ACTR3C: variants seen among roughly 807,000 people sequenced by gnomAD.
ACTR3C encodes the protein actin related protein 3C.
ACTR3C carries 18 observed loss-of-function variants against 26.3 expected under a neutral mutation model. The ratio of observed to expected loss-of-function variants is 0.68; its 90% CI spans 0.47 to 1.01. The LOEUF (loss-of-function observed/expected upper bound fraction) is 1.01, where lower values mean the gene tolerates loss of function less well. Ranked by LOEUF, ACTR3C falls within the 50% of genes least tolerant of loss-of-function variation. ACTR3C has a pLI of 0.00. For missense variants in ACTR3C, 184 were observed against 250.7 expected (o/e 0.73, Z 1.80); for synonymous variants, 55 against 94.5 (o/e 0.58, Z 2.42).
At chr7:150,084,163 T>C in the ACTR3C span, among the ~76,000 whole-genome samples, 22 of 152,234 alleles carry the variant, frequency 1.4e-4, no homozygotes, top group African/African-American at 4.8e-4. Context: ...TGAGCCACCA[T>C]GCCCAGATCC....
chr7:150,258,781 G>GGCCGAGGCGGGCGGATCACGA (rs1833417484), intron 6 of ACTR3C, among the ~76,000 whole-genome samples: 1 of 150,634 alleles, frequency 6.6e-6, no homozygotes, highest in Non-Finnish European at 1.5e-5. Context: ...AATACAGCAA[G>GGCCGAGGCGGGCGGATCACGA]GGTGATCCCT....
At chr7:149,896,338 A>G in the ACTR3C span, among the ~76,000 whole-genome samples, 1 of 152,178 alleles carries the variant, frequency 6.6e-6, no homozygotes, top group African/African-American at 2.4e-5. Flanking sequence ...TAGTTAGCTG[A>G]CTTGAGGAAA....
chr7:150,200,332 A>AGAGACTGATGGTT, the ACTR3C span, among the ~76,000 whole-genome samples: 6 of 152,352 alleles, frequency 3.9e-5, no homozygotes, highest in African/African-American at 1.2e-4. Context: ...TTAACCATCA[A>AGAGACTGATGGTT]AAGTGACCAT....
At chr7:150,224,991 C>T in the ACTR3C span, among the ~76,000 whole-genome samples, 1 of 147,948 alleles carries the variant, frequency 6.8e-6, no homozygotes, top group Admixed American at 6.7e-5. Flanking sequence ...GCACCTTTGG[C>T]CACACCCCCA....
the ACTR3C span, among the ~76,000 whole-genome samples, chr7:150,214,518 A>G: frequency 6.6e-6 from 1 of 151,700 alleles, no homozygotes; most frequent in Non-Finnish European, 1.5e-5. Flanking sequence ...TTAAACCTGA[A>G]AAAGAGAGAG....
the ACTR3C span, among the ~76,000 whole-genome samples, chr7:150,101,673 C>T: frequency 1.3e-4 from 20 of 151,882 alleles, no homozygotes; most frequent in South Asian, 4.1e-4. Context: ...CGGCCAGCCA[C>T]GTTAAGTCAC....
At chr7:150,090,200 A>T in the ACTR3C span, among the ~76,000 whole-genome samples, 1 of 152,358 alleles carries the variant, frequency 6.6e-6, no homozygotes, top group Admixed American at 6.5e-5. Flanking sequence ...GATTATGATA[A>T]ATAAATAATT....
intron 1 of ACTR3C, among the ~76,000 whole-genome samples, chr7:150,301,683 A>G (rs1795447014): frequency 6.6e-6 from 1 of 151,826 alleles, no homozygotes; most frequent in Non-Finnish European, 1.5e-5. Flanking sequence ...ACAATGGAAT[A>G]TTATTCAGCC....
chr7:149,894,709 T>G, the ACTR3C span, among the ~76,000 whole-genome samples: 1 of 151,848 alleles, frequency 6.6e-6, no homozygotes, highest in African/African-American at 2.4e-5. Flanking sequence ...CCACTGAGAA[T>G]GGCAATTATC....
chr7:149,994,576 G>A, the ACTR3C span, among the ~76,000 whole-genome samples: 1 of 151,982 alleles, frequency 6.6e-6, no homozygotes. Context: ...ACTCCAGCCT[G>A]GGCAACAAGA....
chr7:150,162,593 G>A, the ACTR3C span, among the ~76,000 whole-genome samples: 1 of 152,072 alleles, frequency 6.6e-6, no homozygotes, highest in African/African-American at 2.4e-5. Flanking sequence ...GGGATTACAG[G>A]CATGAGCCAA....
intron 6 of ACTR3C, among the ~76,000 whole-genome samples, chr7:150,284,248 T>C (rs1835578187): frequency 6.6e-6 from 1 of 152,134 alleles, no homozygotes; most frequent in African/African-American, 2.4e-5. Context: ...AATACTGAAA[T>C]ACTTCCAGTT....
the ACTR3C span, among the ~76,000 whole-genome samples, chr7:149,981,777 T>G: frequency 4.6e-5 from 7 of 152,122 alleles, no homozygotes; most frequent in Non-Finnish European, 1.0e-4. Flanking sequence ...AGCTGGTCCT[T>G]GAGTTTCTTC....
At chr7:150,260,599 A>G (rs1176152914) in intron 6 of ACTR3C, among the ~76,000 whole-genome samples, 14 of 152,216 alleles carry the variant, frequency 9.2e-5, no homozygotes, top group Admixed American at 9.2e-4. Flanking sequence ...ATGGTGTTCA[A>G]TTGTTACCAT....
At chr7:149,890,065 C>A in the ACTR3C span, among the ~76,000 whole-genome samples, 1 of 152,122 alleles carries the variant, frequency 6.6e-6, no homozygotes, top group Non-Finnish European at 1.5e-5. Flanking sequence ...AATAGTTATT[C>A]CAATAACTAT....
chr7:150,299,405 A>G (rs1339102213), intron 1 of ACTR3C, among the ~76,000 whole-genome samples: 1 of 135,506 alleles, frequency 7.4e-6, no homozygotes, highest in Non-Finnish European at 1.6e-5. Flanking sequence ...TAGTGGCTGT[A>G]TGACTGCACC....
chr7:150,029,426 A>AAAAAAAAAAC, the ACTR3C span, among the ~76,000 whole-genome samples: 2 of 129,600 alleles, frequency 1.5e-5, no homozygotes, highest in Non-Finnish European at 1.6e-5. Context: ...AACAAACAAA[A>AAAAAAAAAAC]AAAAACCATG....
At chr7:150,100,998 C>G in the ACTR3C span, among the ~76,000 whole-genome samples, 12 of 151,782 alleles carry the variant, frequency 7.9e-5, no homozygotes, top group East Asian at 7.7e-4. Context: ...AGCCACCCCC[C>G]ACTGCCAAGT....
the ACTR3C span, among the ~76,000 whole-genome samples, chr7:150,203,430 G>A: frequency 1.4e-3 from 212 of 152,298 alleles, 1 homozygote; most frequent in African/African-American, 4.9e-3. Flanking sequence ...GTCCTCCACT[G>A]CTCTGCTGAA....
Sources: gnomAD v4.1 joint callset for allele counts (sites outside exome capture counted in the v4.1 genomes callset) on GRCh38, gnomAD v4.1.1 for gene constraint, MANE v1.5 for transcripts, NCBI Gene and HGNC (gene_info 2026-07-23, HGNC 2026-07-21) for gene names.